PARN: variants seen among roughly 807,000 people sequenced by gnomAD.
PARN encodes the protein poly(A)-specific ribonuclease, also known as poly(A)-specific ribonuclease PARN.
Under a neutral mutation model 102.8 loss-of-function variants are expected in PARN, and 71 were observed. The ratio of observed to expected loss-of-function variants is 0.69; its 90% confidence interval spans 0.57 to 0.84. The LOEUF (loss-of-function observed/expected upper bound fraction) is 0.84. PARN is among the 40% of genes least tolerant of loss of function. The pLI is 0.00. For synonymous variants in PARN, 261 were observed against 252.9 expected (o/e 1.03, Z -0.30); for missense variants, 782 against 760.9 (o/e 1.03, Z -0.33).
At chr16:14,508,402 T>C (rs1287195395) in intron 21 of PARN, among the ~76,000 whole-genome samples, 1 of 152,044 alleles carries the variant, frequency 6.6e-6, no homozygotes, top group Non-Finnish European at 1.5e-5. Context: ...AAATAAATTT[T>C]TTAAAAAATA....
chr16:14,618,640 G>C (rs1972086379), intron 5 of PARN, among the ~76,000 whole-genome samples: 1 of 147,072 alleles, frequency 6.8e-6, no homozygotes, highest in Non-Finnish European at 1.5e-5. Context: ...GCCCAGGCGA[G>C]AGAGCAAGAC....
At chr16:14,536,582 G>A (rs72787666) in intron 21 of PARN, among the ~76,000 whole-genome samples, 26,383 of 152,132 alleles carry the variant, frequency 0.17, 2,656 homozygotes, top group Middle Eastern at 0.28. Flanking sequence ...TCCTGCAGAT[G>A]TATCGTACAC....
At chr16:14,530,519 C>G (rs1163715676) in intron 21 of PARN, among the ~76,000 whole-genome samples, 6 of 149,560 alleles carry the variant, frequency 4.0e-5, no homozygotes, top group Non-Finnish European at 8.9e-5. Flanking sequence ...TCTGTACGTA[C>G]AGAACCCTGA....
At chr16:14,473,562 A>G (rs374719663) in intron 22 of PARN, among the ~76,000 whole-genome samples, 43 of 152,300 alleles carry the variant, frequency 2.8e-4, no homozygotes, top group East Asian at 9.6e-4. Flanking sequence ...AACAAGAGCT[A>G]AACAACAGGA....
intron 18 of PARN, among the ~76,000 whole-genome samples, chr16:14,574,469 C>G (rs1195633297): frequency 2.0e-5 from 3 of 152,140 alleles, no homozygotes; most frequent in Non-Finnish European, 4.4e-5. Context: ...AATCCCAGCA[C>G]TTTGGGAAGC....
At chr16:14,468,205 A>T (rs1427776266) in intron 22 of PARN, among the ~76,000 whole-genome samples, 1 of 152,222 alleles carries the variant, frequency 6.6e-6, no homozygotes, top group African/African-American at 2.4e-5. Context: ...GCTTGAATTT[A>T]TTGATTGGTT....
At chr16:14,574,507 G>C (rs955655365) in intron 18 of PARN, among the ~76,000 whole-genome samples, 1 of 152,146 alleles carries the variant, frequency 6.6e-6, no homozygotes, top group Non-Finnish European at 1.5e-5. Context: ...GAGGTCAGGA[G>C]TTCGAGACAA....
intron 5 of PARN, among the ~76,000 whole-genome samples, chr16:14,626,107 G>GT (rs568136699): frequency 6.6e-5 from 10 of 151,572 alleles, no homozygotes; most frequent in Non-Finnish European, 5.9e-5. Flanking sequence ...AGAAACAGTA[G>GT]TTTTTTTTTC....
At chr16:14,588,928 C>T (rs1326066062) in intron 13 of PARN, among the ~76,000 whole-genome samples, 2 of 150,958 alleles carry the variant, frequency 1.3e-5, no homozygotes, top group African/African-American at 4.9e-5. Flanking sequence ...ACCTGTAATC[C>T]CAGAGCATTG....
intron 22 of PARN, among the ~76,000 whole-genome samples, chr16:14,459,956 C>A (rs1175680995): frequency 6.6e-6 from 1 of 152,082 alleles, no homozygotes; most frequent in Non-Finnish European, 1.5e-5. Flanking sequence ...AACTCATACC[C>A]ATGCCTCATA....
At chr16:14,469,465 G>A (rs1194959782) in intron 22 of PARN, among the ~76,000 whole-genome samples, 2 of 152,302 alleles carry the variant, frequency 1.3e-5, no homozygotes, top group East Asian at 1.9e-4. Context: ...TGCACTATCA[G>A]CAAGCTGAAT....
At chr16:14,492,122 T>C (rs2151612253) in intron 21 of PARN, among the ~76,000 whole-genome samples, 1 of 152,298 alleles carries the variant, frequency 6.6e-6, no homozygotes, top group Admixed American at 6.5e-5. Context: ...TCGTGGGTGT[T>C]TCTCCAACAA....
chr16:14,585,977 ACT>A (rs1160224078), intron 14 of PARN, among the ~76,000 whole-genome samples: 4 of 142,538 alleles, frequency 2.8e-5, no homozygotes, highest in Middle Eastern at 3.8e-3. Context: ...TGTCACAATG[ACT>A]CTTTTTTTTT....
At chr16:14,471,875 T>C (rs892592619) in intron 22 of PARN, among the ~76,000 whole-genome samples, 1 of 152,246 alleles carries the variant, frequency 6.6e-6, no homozygotes, top group African/African-American at 2.4e-5. Flanking sequence ...TTTTACAATT[T>C]GCTTGAAGCA....
At chr16:14,579,864 T>C (rs1483320437) in intron 18 of PARN, among the ~76,000 whole-genome samples, 1 of 151,810 alleles carries the variant, frequency 6.6e-6, no homozygotes, top group South Asian at 2.1e-4. Flanking sequence ...TAGTTCCAGC[T>C]ACTCCATAGG....
chr16:14,526,239 C>T (rs930950325), intron 21 of PARN, among the ~76,000 whole-genome samples: 2 of 149,662 alleles, frequency 1.3e-5, no homozygotes, highest in Non-Finnish European at 3.0e-5. Flanking sequence ...GGCAGTGGTG[C>T]GATCTCGGCT....
intron 13 of PARN, among the ~76,000 whole-genome samples, chr16:14,587,760 G>A (rs1385233107): frequency 2.0e-5 from 3 of 152,176 alleles, no homozygotes; most frequent in Non-Finnish European, 2.9e-5. Flanking sequence ...TACTTACCAG[G>A]TAGCCTTAGT....
intron 13 of PARN, among the ~76,000 whole-genome samples, chr16:14,588,337 T>C (rs1261687844): frequency 1.3e-5 from 2 of 152,118 alleles, no homozygotes; most frequent in African/African-American, 2.4e-5. Context: ...CTGTTATGCA[T>C]GGGTAAAAAT....
chr16:14,501,500 G>A (rs1161393649), intron 21 of PARN: 1 of 135,722 alleles, frequency 7.4e-6, no homozygotes. Flanking sequence ...TGTAGGCAGA[G>A]GCATGAAAAA....
Sources: allele counts gnomAD v4.1 joint callset (sites outside exome capture counted in the v4.1 genomes callset), GRCh38; gene constraint gnomAD v4.1.1; transcripts MANE v1.5; gene names NCBI Gene and HGNC (gene_info 2026-07-23, HGNC 2026-07-21).